The following NXPH1 variants were observed in gnomAD, a reference collection of about 807,000 sequenced individuals.
NXPH1 encodes the protein neurexophilin-1.
NXPH1 carries 5 observed loss-of-function variants against 23.7 expected under a neutral mutation model. The ratio of observed to expected loss-of-function variants is 0.21; its 90% CI spans 0.11 to 0.44. NXPH1 has a LOEUF of 0.44. Among genes scored for constraint, NXPH1 ranks in the 20% least tolerant of loss-of-function variants. The pLI, the probability that NXPH1 is intolerant of heterozygous loss-of-function variation, is 0.99. For missense variants in NXPH1, 324 were observed against 321.6 expected (o/e 1.01, Z -0.06); for synonymous variants, 144 against 122.2 (o/e 1.18, Z -1.18).
At chr7:8,692,449 A>G (rs1005509308) in intron 2 of NXPH1, among the ~76,000 whole-genome samples, 4 of 152,290 alleles carry the variant, frequency 2.6e-5, no homozygotes, top group South Asian at 4.1e-4. Flanking sequence ...GACTTTAGAA[A>G]GCAGTCTATA....
chr7:8,529,878 A>G (rs1374320044), intron 2 of NXPH1, among the ~76,000 whole-genome samples: 1 of 152,146 alleles, frequency 6.6e-6, no homozygotes, highest in Non-Finnish European at 1.5e-5. Flanking sequence ...CTCTTCTACC[A>G]GCTACCTGGG....
intron 2 of NXPH1, among the ~76,000 whole-genome samples, chr7:8,685,809 T>C (rs909002203): frequency 2.8e-5 from 4 of 141,162 alleles, no homozygotes; most frequent in Non-Finnish European, 6.2e-5. Flanking sequence ...GAAGTGGGGA[T>C]GGTTAATAGG....
At chr7:8,609,577 CA>C (rs1396604265) in intron 2 of NXPH1, among the ~76,000 whole-genome samples, 2 of 152,090 alleles carry the variant, frequency 1.3e-5, no homozygotes, top group African/African-American at 4.8e-5. Context: ...TTTCTTGGTA[CA>C]AAGCACATTA....
chr7:8,702,359 A>C (rs1279494842), intron 2 of NXPH1, among the ~76,000 whole-genome samples: 1 of 152,126 alleles, frequency 6.6e-6, no homozygotes, highest in Non-Finnish European at 1.5e-5. Flanking sequence ...AACTTAAAAA[A>C]ATTATGTGTT....
At chr7:8,559,897 G>A (rs574914928) in intron 2 of NXPH1, among the ~76,000 whole-genome samples, 2 of 151,786 alleles carry the variant, frequency 1.3e-5, no homozygotes, top group South Asian at 4.1e-4. Context: ...ATTTGTAGTG[G>A]TTGTTTTTCT....
chr7:8,435,567 G>C lies in NXPH1; in HGVS notation c.-110-37G>C. 2 of 686,256 alleles carry C rather than the reference G, an allele frequency of 2.9e-6. No homozygotes were observed. Among genetic ancestry groups the C allele is most frequent in the Non-Finnish European group, 2.6e-6 (1 of 379,794 alleles). The allele number at this position is 686,256 out of a possible 1,614,324, so 42.5% of individuals were successfully genotyped here. A position where few individuals can be genotyped will look rare whatever the true frequency, so the allele number is the denominator to read the frequency against. On this transcript the variant is annotated intron_variant, in intron 1 of 2. Transcript: ENST00000405863. The surrounding 1 kb of genome is among the most constrained non-coding windows in gnomAD (Gnocchi z 5.9). ...TTGATTGTCAAGCCTAACCTTGCCCGCGTAGTCATGGGATGTCTAATTTTA... is the reference window on the plus strand; with the variant it reads ...TTGATTGTCAAGCCTAACCTTGCCCCCGTAGTCATGGGATGTCTAATTTTA...
chr7:8,494,518 T>A (rs1817303551), intron 2 of NXPH1, among the ~76,000 whole-genome samples: 1 of 152,060 alleles, frequency 6.6e-6, no homozygotes, highest in Non-Finnish European at 1.5e-5. Flanking sequence ...AATGATATAA[T>A]GTGTGTAGAG....
intron 2 of NXPH1, among the ~76,000 whole-genome samples, chr7:8,541,760 T>C (rs1285650790): frequency 6.6e-6 from 1 of 151,582 alleles, no homozygotes; most frequent in African/African-American, 2.4e-5. Flanking sequence ...TAATATAAGG[T>C]TTTTATACTA....
At chr7:8,651,693 T>G (rs1473700468) in intron 2 of NXPH1, among the ~76,000 whole-genome samples, 1 of 152,186 alleles carries the variant, frequency 6.6e-6, no homozygotes, top group East Asian at 1.9e-4. Context: ...TTCAGAACAT[T>G]TAATTTTGGT....
chr7:8,464,812 C>T (rs568391079), intron 2 of NXPH1, among the ~76,000 whole-genome samples: 1 of 151,946 alleles, frequency 6.6e-6, no homozygotes, highest in African/African-American at 2.4e-5. Context: ...GTTTTACTCT[C>T]CTAAGAATTC....
At chr7:8,729,255 G>A (rs1164759208) in intron 2 of NXPH1, among the ~76,000 whole-genome samples, 25 of 147,896 alleles carry the variant, frequency 1.7e-4, no homozygotes, top group Admixed American at 4.0e-4. Flanking sequence ...TCTTGCTAGC[G>A]GTCTATCAAT....
chr7:8,535,828 T>C (rs1470500883), intron 2 of NXPH1, among the ~76,000 whole-genome samples: 2 of 152,038 alleles, frequency 1.3e-5, no homozygotes, highest in Non-Finnish European at 2.9e-5. Context: ...AGGTGGTTGA[T>C]GTGAAAATAT....
intron 2 of NXPH1, chr7:8,690,376 C>T (rs930405549): frequency 2.0e-5 from 3 of 152,158 alleles, no homozygotes; most frequent in African/African-American, 7.2e-5. Flanking sequence ...TAGCCATGGT[C>T]TTTCTATTTC....
At chr7:8,622,576 C>G (rs191569410) in intron 2 of NXPH1, among the ~76,000 whole-genome samples, 1 of 152,220 alleles carries the variant, frequency 6.6e-6, no homozygotes, top group East Asian at 1.9e-4. Flanking sequence ...AAGTAATTAT[C>G]AAATACGAGG....
chr7:8,455,833 G>T (rs1172813091), intron 2 of NXPH1, among the ~76,000 whole-genome samples: 1 of 152,172 alleles, frequency 6.6e-6, no homozygotes, highest in Admixed American at 6.5e-5. Flanking sequence ...AAGCACATTG[G>T]CATACTTATA....
At chr7:8,713,946 G>A (rs1007999505) in intron 2 of NXPH1, among the ~76,000 whole-genome samples, 1 of 152,164 alleles carries the variant, frequency 6.6e-6, no homozygotes, top group Non-Finnish European at 1.5e-5. Flanking sequence ...TCTTGCTCAA[G>A]GCCCCGGCAA....
intron 2 of NXPH1, among the ~76,000 whole-genome samples, chr7:8,437,985 T>G (rs1816224829): frequency 6.6e-6 from 1 of 152,222 alleles, no homozygotes; most frequent in Non-Finnish European, 1.5e-5. Flanking sequence ...AGAAACCACA[T>G]GCACCACAAA....
chr7:8,713,935 G>A (rs1280337848), intron 2 of NXPH1, among the ~76,000 whole-genome samples: 1 of 152,166 alleles, frequency 6.6e-6, no homozygotes, highest in East Asian at 1.9e-4. Context: ...ACAGCACTGA[G>A]TCTTGCTCAA....
At chr7:8,690,864 GA>G (rs1465583863) in intron 2 of NXPH1, among the ~76,000 whole-genome samples, 8 of 152,114 alleles carry the variant, frequency 5.3e-5, no homozygotes, top group African/African-American at 1.9e-4. Context: ...CTGACTTTTT[GA>G]AAGTGCTTGC....
Sources: allele counts gnomAD v4.1 joint callset (sites outside exome capture counted in the v4.1 genomes callset), GRCh38; gene constraint gnomAD v4.1.1; non-coding constraint Gnocchi (gnomAD v3.1); transcripts MANE v1.5; gene names NCBI Gene and HGNC (gene_info 2026-07-23, HGNC 2026-07-21).